BPTF: variants seen among roughly 807,000 people sequenced by gnomAD.
The protein encoded by BPTF is bromodomain PHD finger transcription factor, also known as nucleosome-remodeling factor subunit BPTF.
A neutral mutation model predicts 292.5 loss-of-function variants in BPTF; 18 were observed. The ratio of observed to expected loss-of-function variants is 0.06; its 90% CI spans 0.04 to 0.09. BPTF has a LOEUF of 0.09. BPTF is among the 10% of genes least tolerant of loss of function. The probability of loss-of-function intolerance (pLI) is 1.00; values close to 1 mark genes in which losing one functional copy is unlikely to be tolerated. For missense variants in BPTF, 2,726 were observed against 3,498.7 expected, an observed-to-expected ratio of 0.78 and a Z score of 5.57; for synonymous variants, 1,225 against 1,251.9, an observed-to-expected ratio of 0.98 and a Z score of 0.45.
intron 1 of BPTF, among the ~76,000 whole-genome samples, chr17:67,851,174 T>C (rs935791891): frequency 1.3e-5 from 2 of 152,102 alleles, no homozygotes; most frequent in Admixed American, 6.5e-5. Context: ...CCTAGCTCTT[T>C]TTGTAACGAG....
chr17:67,830,949 G>A (rs752190494), intron 1 of BPTF, among the ~76,000 whole-genome samples: 1 of 152,180 alleles, frequency 6.6e-6, no homozygotes, highest in Non-Finnish European at 1.5e-5. Context: ...TCACAGAGAT[G>A]CTGTTGAACC....
intron 14 of BPTF, among the ~76,000 whole-genome samples, chr17:67,924,250 C>T (rs772627239): frequency 2.0e-5 from 3 of 152,156 alleles, no homozygotes; most frequent in Non-Finnish European, 4.4e-5. Context: ...CCACCGCACC[C>T]GGCCTGAGCC....
chr17:67,897,165 T>TA lies in BPTF; in HGVS notation c.2543+3008dup, dbSNP rs201259416. On this transcript the variant is annotated intron_variant, in intron 7 of 27. Coordinates refer to ENST00000306378, the MANE Select transcript of BPTF (RefSeq NM_182641.4). ...AACATGGAGAAACCCTTTCTCTACT[T>TA]AAAAAAAACAAAAACAAAAAACGAA... Among the ~76,000 whole-genome samples the TA allele has an allele frequency of 1.7e-3, 229 of 136,466 alleles. 1 individual carries two copies. The highest frequency in any genetic ancestry group is 5.8e-3 in the African/African-American group (216 of 37,376). The allele number at this position is 136,466 out of a possible 152,430, so 89.5% of individuals were successfully genotyped here.
At chr17:67,927,230 A>C (rs1284799998) in intron 15 of BPTF, among the ~76,000 whole-genome samples, 2 of 152,184 alleles carry the variant, frequency 1.3e-5, no homozygotes, top group Non-Finnish European at 2.9e-5. Context: ...CCGTTTCCTC[A>C]TCTTATAAGA....
intron 4 of BPTF, among the ~76,000 whole-genome samples, chr17:67,884,985 A>G (rs892594996): frequency 4.6e-5 from 7 of 152,200 alleles, no homozygotes; most frequent in East Asian, 3.8e-4. Context: ...GCATATTTCC[A>G]TATGCCTAAA....
intron 27 of BPTF, among the ~76,000 whole-genome samples, chr17:67,981,209 C>T (rs1378208049): frequency 6.6e-6 from 1 of 152,290 alleles, no homozygotes; most frequent in Non-Finnish European, 1.5e-5. Context: ...TGTATAAGGG[C>T]AACTTGCTGT....
At position 67,884,452 on chromosome 17, in the gene BPTF, G is replaced by C. The variant is rs186712509; in HGVS notation, c.1865-7392G>C. Among the ~76,000 whole-genome samples, 126 of 149,762 alleles carry C rather than the reference G, an allele frequency of 8.4e-4. No individual in the cohort carries two copies. The East Asian group carries it at 0.024, about 29-fold the overall frequency. On this transcript the variant is annotated intron_variant, in intron 4 of 27. Coordinates refer to ENST00000306378, the MANE Select transcript of BPTF (RefSeq NM_182641.4). ...TTTTTTTCTGACAAGTTCTCACTTT[G>C]TTACCCAGGCTAGAGTGCAATGGCG... is the stretch of plus-strand genomic sequence containing the variant.
Position 67,866,461 on chromosome 17 carries a change from C to T in BPTF, c.1437-3C>T. On this transcript the variant is annotated splice_polypyrimidine_tract_variant and splice_region_variant and intron_variant, in intron 2 of 27. Transcript: ENST00000306378. Reference sequence around the variant, plus strand: ...TAAAGTATTTCCCCCCATTTTTAAACAGAGAAGAAGATACAGAAAATGAAA... The same window carrying T: ...TAAAGTATTTCCCCCCATTTTTAAATAGAGAAGAAGATACAGAAAATGAAA... 6.3e-7 allele frequency: 1 copy of T among 1,589,740 alleles called. No individual in the cohort carries two copies. Among genetic ancestry groups the T allele is most frequent in the Non-Finnish European group, 8.6e-7 (1 of 1,158,630 alleles).
chr17:67,856,232 C>G (rs895493737), intron 2 of BPTF, among the ~76,000 whole-genome samples: 4 of 152,092 alleles, frequency 2.6e-5, no homozygotes, highest in Non-Finnish European at 5.9e-5. Context: ...TCTTGGTCGT[C>G]CAACCCTGTT....
chr17:67,959,464 AGTGTACCATCTTCT>A (rs1568182895), intron 23 of BPTF, 63 bp from the exon 24 acceptor site: 3 of 1,148,238 alleles, frequency 2.6e-6, no homozygotes, highest in Non-Finnish European at 3.6e-6. Flanking sequence ...AAGAGTGGGT[AGTGTACCATCTTCT>A]GGCCAGATCA....
Position 67,874,972 on chromosome 17 carries a change from A to C in BPTF, c.1816A>C (p.Ser606Arg), listed in dbSNP as rs758269933. 6.2e-7 allele frequency: 1 copy of C among 1,613,888 alleles called. No homozygotes were observed. The highest frequency in any genetic ancestry group is 1.1e-5 in the South Asian group (1 of 91,030). The change falls in exon 4 of 28, where the codon AGT becomes CGT. Residue 606 changes from serine (S) to arginine (R), a missense_variant. This residue lies in a region of BPTF where 187 missense variants were observed against 201.5 expected (regional missense o/e 0.93). Coordinates refer to ENST00000306378, the MANE Select transcript of BPTF (RefSeq NM_182641.4). ...EFEDQSLEKDSDDKTPDDDPE... is the reference protein window; with the variant it reads ...EFEDQSLEKDRDDKTPDDDPE... ...TGAAGACCAGTCCCTTGAAAAAGAC[A>C]GTGACGACAAAACACCAGATGATGA...
chr17:67,954,052 T>TCACA (rs1446118527), intron 23 of BPTF, among the ~76,000 whole-genome samples: 1 of 125,000 alleles, frequency 8.0e-6, no homozygotes, highest in Non-Finnish European at 1.6e-5. Flanking sequence ...AGCGGTGCAA[T>TCACA]CACAGCACAC....
rs1166902466 is a variant in BPTF at position 67,854,120 on chromosome 17, T to G, written c.794T>G (p.Phe265Cys). The change falls in exon 2 of 28, where the codon TTT (phenylalanine) becomes TGT (cysteine). Residue 265 changes from phenylalanine to cysteine, a missense_variant. Phe to Cys is a radical substitution (Grantham distance 205, BLOSUM62 -2). Around this residue, in one of 22 missense-constraint regions of BPTF, gnomAD observed 102 missense variants for 212.6 expected, o/e 0.48. Transcript: ENST00000306378. This position sits in a 1 kb window ranked among gnomAD's most constrained non-coding sequence, Gnocchi z 5.6. The part of the protein sequence containing the change: ...NFGTVLRLSP[F>C]RFEDFCAALV... ...GGCACTGTTTTGAGATTATCTCCTT[T>G]TCGCTTTGAGGACTTTTGTGCAGCT... is the stretch of plus-strand genomic sequence containing the variant. 1 of 1,614,098 alleles carries G rather than the reference T, an allele frequency of 6.2e-7. No individual in the cohort carries two copies. Among genetic ancestry groups the G allele is most frequent in the Non-Finnish European group, 8.5e-7 (1 of 1,180,040 alleles).
At position 67,959,630 on chromosome 17, in the gene BPTF, A is replaced by T; in HGVS notation, c.8016A>T (p.Pro2672=). Residue 2672 remains proline (P), a synonymous_variant, in exon 24 of 28, where the codon CCA becomes CCT. Transcript: ENST00000306378. ...QATAVAAPCP[P]VTPAPPAPPA... ...CAGCAGTAGCTGCACCCTGCCCCCC[A>T]GTGACACCAGCTCCTCCAGCCCCTC... 6.3e-7 allele frequency: 1 copy of T among 1,592,796 alleles called. No individual in the cohort carries two copies. Among genetic ancestry groups the T allele is most frequent in the Non-Finnish European group, 8.5e-7 (1 of 1,171,752 alleles).
intron 23 of BPTF, among the ~76,000 whole-genome samples, chr17:67,950,475 G>A (rs932286348): frequency 6.6e-6 from 1 of 151,916 alleles, no homozygotes; most frequent in African/African-American, 2.4e-5. Context: ...AAAAATTGAG[G>A]AAAGAAGACA....
intron 26 of BPTF, among the ~76,000 whole-genome samples, chr17:67,969,365 T>G (rs1167902141): frequency 1.4e-5 from 2 of 139,256 alleles, no homozygotes; most frequent in African/African-American, 5.5e-5. Context: ...GGCACAAAAA[T>G]CAGTTGAACC....
intron 23 of BPTF, among the ~76,000 whole-genome samples, chr17:67,954,048 G>A (rs530424076): frequency 8.3e-6 from 1 of 119,942 alleles, no homozygotes; most frequent in East Asian, 2.4e-4. Flanking sequence ...GTGCAGCGGT[G>A]CAATCACAGC....
intron 2 of BPTF, among the ~76,000 whole-genome samples, chr17:67,860,830 T>C (rs2059031955): frequency 6.6e-6 from 1 of 152,174 alleles, no homozygotes; most frequent in Non-Finnish European, 1.5e-5. Flanking sequence ...AGCGCTAGGA[T>C]TACAACAGGC....
chr17:67,965,058 G>T (rs1555686509), intron 25 of BPTF: 1 of 146,736 alleles, frequency 6.8e-6, no homozygotes, highest in African/African-American at 2.5e-5. Flanking sequence ...AAACAAAAAG[G>T]GGACTGGGCG....
Sources: allele counts gnomAD v4.1 joint callset (sites outside exome capture counted in the v4.1 genomes callset), GRCh38; gene constraint gnomAD v4.1.1; regional missense constraint gnomAD v4.1.1; non-coding constraint Gnocchi (gnomAD v3.1); transcripts MANE v1.5; gene names NCBI Gene and HGNC (gene_info 2026-07-23, HGNC 2026-07-21).